The following MMP17 variants were observed in gnomAD, a reference collection of about 807,000 sequenced individuals.
MMP17 encodes matrix metalloproteinase-17.
In MMP17, 54 loss-of-function variants were observed where a neutral mutation model predicts 49.1. The ratio of observed to expected loss-of-function variants is 1.10; its 90% CI spans 0.88 to 1.38. MMP17 has a LOEUF of 1.38. Ranked by LOEUF, MMP17 falls within the 40% of genes most tolerant of loss-of-function variation. MMP17 has a pLI of 0.00. For missense variants in MMP17, 837 were observed against 853.7 expected (o/e 0.98, Z 0.24); for synonymous variants, 397 against 383.1 (o/e 1.04, Z -0.42).
chr12:131,843,898 T>A, intron 5 of MMP17, 99 bp from the exon 6 acceptor site: 1 of 817,802 alleles, frequency 1.2e-6, no homozygotes. Context: ...GTCTGCTGAG[T>A]GGCCTCGGTT....
chr12:131,829,430 T>C (rs1886682207), intron 1 of MMP17, among the ~76,000 whole-genome samples: 1 of 152,118 alleles, frequency 6.6e-6, no homozygotes, highest in Non-Finnish European at 1.5e-5. Context: ...ACCCGGAAGA[T>C]TTAGAGCACA....
chr12:131,848,796 C>T (rs979068640), intron 8 of MMP17, among the ~76,000 whole-genome samples: 2 of 152,204 alleles, frequency 1.3e-5, no homozygotes, highest in South Asian at 2.1e-4. Context: ...ATGGCACGGA[C>T]GGACTGCACC....
chr12:131,832,526 G>A (rs542836936), intron 1 of MMP17, among the ~76,000 whole-genome samples: 54 of 152,194 alleles, frequency 3.5e-4, no homozygotes, highest in Non-Finnish European at 5.6e-4. Context: ...TGGGACGCTT[G>A]CCCTGGCTGT....
At chr12:131,841,881 C>CA in intron 5 of MMP17, 81 bp downstream of exon 5, 1 of 1,428,964 alleles carries the variant, frequency 7.0e-7, no homozygotes, top group Admixed American at 2.2e-5. Context: ...AGAGCCCCCC[C>CA]GGGAGGGTTT....
chr12:131,851,344 C>G lies in MMP17; in HGVS notation c.*70C>G, dbSNP rs999915606. On this transcript the variant is annotated 3_prime_UTR_variant, in exon 10 of 10. Coordinates refer to ENST00000360564, the MANE Select transcript of MMP17 (RefSeq NM_016155.7). ...TGGCCACAGAGGGCAAGGACTGTGCCGGAGTCCCTGGGGGAGGTGCTGGCG... is the reference window on the plus strand; with the variant it reads ...TGGCCACAGAGGGCAAGGACTGTGCGGGAGTCCCTGGGGGAGGTGCTGGCG... The G allele has an allele frequency of 6.2e-6, 8 of 1,288,688 alleles. No homozygotes were observed. The highest frequency in any genetic ancestry group is 2.9e-4 in the Middle Eastern group (1 of 3,504). 79.8% of individuals were successfully genotyped at this position (1,288,688 alleles called of 1,614,324 possible).
chr12:131,848,711 G>A (rs569597441), intron 8 of MMP17, among the ~76,000 whole-genome samples: 82 of 152,314 alleles, frequency 5.4e-4, no homozygotes, highest in Middle Eastern at 3.4e-3. Context: ...GTCACTCAGC[G>A]GAAGGTCCTC....
intron 1 of MMP17, among the ~76,000 whole-genome samples, chr12:131,832,902 C>T (rs551527985): frequency 6.6e-6 from 1 of 152,210 alleles, no homozygotes; most frequent in African/African-American, 2.4e-5. Flanking sequence ...CCACCGTGAG[C>T]ATGTGAGCAC....
In MMP17 at chr12:131,851,371, G is replaced by GCCA; in HGVS notation, c.*97_*98insCCA. ...GAGTCCCTGGGGGAGGTGCTGGCGC[G>GCCA]GGATGAGGACGGGCCACCCTGGCAC... On this transcript the variant is annotated 3_prime_UTR_variant, in exon 10 of 10. Transcript: ENST00000360564. The GCCA allele has an allele frequency of 1.7e-6, 2 of 1,160,886 alleles. No individual in the cohort carries two copies. Among genetic ancestry groups the GCCA allele is most frequent in the Non-Finnish European group, 2.2e-6 (2 of 898,938 alleles). The allele number at this position is 1,160,886 out of a possible 1,614,324, so 71.9% of individuals were successfully genotyped here. A position where few individuals can be genotyped will look rare whatever the true frequency, so the allele number is the denominator to read the frequency against.
At chr12:131,839,487 CT>C (rs891032879) in intron 3 of MMP17, among the ~76,000 whole-genome samples, 1 of 151,392 alleles carries the variant, frequency 6.6e-6, no homozygotes. Context: ...TAATTTTTTT[CT>C]TTTTTTTGAC....
At chr12:131,849,645 C>T (rs1438326318) in intron 8 of MMP17, among the ~76,000 whole-genome samples, 157 bp from the exon 9 acceptor site, 1 of 152,108 alleles carries the variant, frequency 6.6e-6, no homozygotes, top group Non-Finnish European at 1.5e-5. Flanking sequence ...CATGTGGCCC[C>T]TGTGATGTGG....
At position 131,845,377 on chromosome 12, in the gene MMP17, C is replaced by T. The variant is rs61753769; in HGVS notation, c.1132C>T (p.Leu378=). The T allele has an allele frequency of 1.0e-4, 166 of 1,597,494 alleles. 1 individual carries two copies. The African/African-American group carries it at 2.1e-3, about 20-fold the overall frequency. ...ACAGATGCACCGCTTCTGGCGGGGC[C>T]TGCCGCTGCACCTGGACAGCGTGGA... ...PAQMHRFWRG[L]PLHLDSVDAV... is the part of the protein sequence containing the mutation. Residue 378 remains leucine, a synonymous_variant, in exon 8 of 10, where the codon CTG becomes TTG. Transcript: ENST00000360564.
Position 131,851,146 on chromosome 12 carries a change from T to C in MMP17, c.1684T>C (p.Ser562Pro). Residue 562 changes from serine (S) to proline (P), a missense_variant, in exon 10 of 10, where the codon TCA becomes CCA. Physicochemically the swap from Ser to Pro is moderately conservative, Grantham distance 74 (BLOSUM62 -1). Transcript: ENST00000360564. The part of the protein sequence containing the change: ...SRSEDGYEVC[S>P]CTSGASSPPG... Reference sequence around the variant, plus strand: ...CTCGGAGGACGGTTACGAGGTCTGCTCATGCACCTCTGGGGCATCCTCTCC... The same window carrying C: ...CTCGGAGGACGGTTACGAGGTCTGCCCATGCACCTCTGGGGCATCCTCTCC... 6.4e-7 allele frequency: 1 copy of C among 1,561,158 alleles called. No individual in the cohort carries two copies. Among genetic ancestry groups the C allele is most frequent in the Non-Finnish European group, 8.7e-7 (1 of 1,152,962 alleles).
intron 6 of MMP17, chr12:131,844,412 C>G: frequency 5.2e-6 from 2 of 387,568 alleles, no homozygotes; most frequent in Admixed American, 4.8e-5. Context: ...GCAGGGCCTG[C>G]GAGTGTCTGG....
At chr12:131,845,995 C>T (rs746530173) in intron 8 of MMP17, among the ~76,000 whole-genome samples, 1 of 152,180 alleles carries the variant, frequency 6.6e-6, no homozygotes, top group African/African-American at 2.4e-5. Context: ...CGGTGCCCAC[C>T]GTTCCAGGAA....
intron 4 of MMP17, among the ~76,000 whole-genome samples, chr12:131,841,137 C>T (rs1887385084): frequency 6.6e-6 from 1 of 152,202 alleles, no homozygotes; most frequent in African/African-American, 2.4e-5. Context: ...CCTGCGAGGC[C>T]TCTGTGGCCC....
chr12:131,848,504 C>T (rs1321344112), intron 8 of MMP17, among the ~76,000 whole-genome samples: 2 of 152,232 alleles, frequency 1.3e-5, no homozygotes, highest in Non-Finnish European at 2.9e-5. Context: ...CTGTCACCTG[C>T]GTCCACCTCC....
intron 1 of MMP17, among the ~76,000 whole-genome samples, chr12:131,830,794 A>G (rs1192286912): frequency 1.3e-5 from 2 of 152,164 alleles, no homozygotes; most frequent in Non-Finnish European, 2.9e-5. Flanking sequence ...CACGTGAACA[A>G]GGCCGGGATT....
rs201413592 is a variant in MMP17, at chr12:131,840,760, G to C, written c.610G>C (p.Gly204Arg). ...CGACGGCTACCCCTTCGACGGCCCC[G>C]GCGGCACCGTGGCCCACGCCTTCTT... ...HNDGYPFDGP[G>R]GTVAHAFFPG... Residue 204 changes from glycine to arginine, a missense_variant, in exon 4 of 10, where the codon GGC becomes CGC. Transcript: ENST00000360564. 1.2e-6 allele frequency: 2 copies of C among 1,604,542 alleles called. No homozygotes were observed. The highest frequency in any genetic ancestry group is 8.5e-7 in the Non-Finnish European group (1 of 1,179,852).
intron 6 of MMP17, chr12:131,844,291 C>A: frequency 1.8e-6 from 1 of 560,258 alleles, no homozygotes; most frequent in Non-Finnish European, 3.1e-6. Flanking sequence ...ATGAGAACTT[C>A]AGACAAGGTT....
Sources: allele counts gnomAD v4.1 joint callset (sites outside exome capture counted in the v4.1 genomes callset), GRCh38; gene constraint gnomAD v4.1.1; transcripts MANE v1.5; gene names NCBI Gene and HGNC (gene_info 2026-07-23, HGNC 2026-07-21).